The following DCLK2 variants were observed in gnomAD, a reference collection of about 807,000 sequenced individuals.
DCLK2 encodes serine/threonine-protein kinase DCLK2.
A neutral mutation model predicts 78.4 loss-of-function variants in DCLK2; 31 were observed. The observed-to-expected ratio is 0.40, with a 90% CI of 0.30 to 0.53. The LOEUF (loss-of-function observed/expected upper bound fraction) is 0.53. DCLK2 is among the 20% of genes least tolerant of loss of function. The pLI is 0.61. For missense variants in DCLK2, 872 were observed against 973.7 expected, an observed-to-expected ratio of 0.90 and a Z score of 1.39; for synonymous variants, 407 against 374.9, an observed-to-expected ratio of 1.09 and a Z score of -0.99.
intron 2 of DCLK2, among the ~76,000 whole-genome samples, chr4:150,104,558 A>G (rs550916903): frequency 9.5e-4 from 145 of 152,204 alleles, no homozygotes; most frequent in Non-Finnish European, 1.8e-3. Context: ...ACTAAAAATC[A>G]ACATTTCAAA....
At chr4:150,097,245 C>T (rs530419194) in intron 1 of DCLK2, among the ~76,000 whole-genome samples, 1 of 151,296 alleles carries the variant, frequency 6.6e-6, no homozygotes, top group African/African-American at 2.4e-5. Flanking sequence ...GTACTGCAAC[C>T]TCCGCCTTCT....
chr4:150,108,781 C>G (rs1263364994), intron 2 of DCLK2, among the ~76,000 whole-genome samples: 2 of 151,878 alleles, frequency 1.3e-5, no homozygotes, highest in Non-Finnish European at 2.9e-5. Context: ...TTTAGCTTTC[C>G]CAGAAACAGC....
intron 15 of DCLK2, among the ~76,000 whole-genome samples, chr4:150,255,514 A>C (rs372267239): frequency 2.6e-4 from 40 of 152,376 alleles, no homozygotes; most frequent in Middle Eastern, 6.8e-3. Context: ...ATCTGAAAAA[A>C]GAGTAATGTG....
chr4:150,126,879 A>G (rs926706776), intron 2 of DCLK2, among the ~76,000 whole-genome samples: 1 of 152,164 alleles, frequency 6.6e-6, no homozygotes, highest in African/African-American at 2.4e-5. Context: ...TTTACTTGTC[A>G]TATCTCCTTA....
chr4:150,227,986 G>A (rs1032103887), intron 8 of DCLK2, among the ~76,000 whole-genome samples: 1 of 152,158 alleles, frequency 6.6e-6, no homozygotes, highest in Non-Finnish European at 1.5e-5. Context: ...TCCTTTGGGG[G>A]TTTTGGGGAG....
intron 2 of DCLK2, among the ~76,000 whole-genome samples, chr4:150,186,354 CAT>C (rs1197930315): frequency 1.3e-5 from 2 of 151,808 alleles, no homozygotes; most frequent in African/African-American, 4.8e-5. Flanking sequence ...TGTTGTAAAA[CAT>C]AGAAAAATTA....
At chr4:150,234,226 A>G (rs1446332993) in intron 10 of DCLK2, among the ~76,000 whole-genome samples, 1 of 152,244 alleles carries the variant, frequency 6.6e-6, no homozygotes, top group Non-Finnish European at 1.5e-5. Context: ...CTTCTTTAAC[A>G]TCACTCTAGA....
intron 1 of DCLK2, among the ~76,000 whole-genome samples, chr4:150,086,105 C>T (rs940521417): frequency 6.6e-6 from 1 of 152,148 alleles, no homozygotes; most frequent in African/African-American, 2.4e-5. Flanking sequence ...GGGAAAATTA[C>T]AAACCCAACA....
At chr4:150,207,045 A>G (rs1196134615) in intron 5 of DCLK2, among the ~76,000 whole-genome samples, 1 of 152,190 alleles carries the variant, frequency 6.6e-6, no homozygotes, top group African/African-American at 2.4e-5. Flanking sequence ...TTCATTTAAA[A>G]TAGCTTATTA....
intron 2 of DCLK2, among the ~76,000 whole-genome samples, chr4:150,134,632 C>T (rs181995761): frequency 2.0e-5 from 3 of 152,062 alleles, no homozygotes; most frequent in African/African-American, 7.2e-5. Context: ...GAAAACAATT[C>T]TCTGCAGTGT....
At chr4:150,181,415 C>T (rs1020282931) in intron 2 of DCLK2, among the ~76,000 whole-genome samples, 2 of 152,128 alleles carry the variant, frequency 1.3e-5, no homozygotes, top group African/African-American at 4.8e-5. Context: ...ACCTCTTTTA[C>T]AGGAAGAATG....
At chr4:150,220,873 C>A in intron 6 of DCLK2, 95 bp downstream of exon 6, 1 of 1,002,962 alleles carries the variant, frequency 1.0e-6, no homozygotes, top group East Asian at 2.6e-5. Context: ...TACGATCTTC[C>A]TAAAGAGGGA....
intron 5 of DCLK2, among the ~76,000 whole-genome samples, chr4:150,207,867 C>T (rs1448397947): frequency 1.3e-5 from 2 of 151,894 alleles, no homozygotes; most frequent in Admixed American, 6.6e-5. Context: ...GGGGGTGGTC[C>T]CTGGCAATTG....
At chr4:150,191,776 G>A (rs1560852657) in intron 2 of DCLK2, among the ~76,000 whole-genome samples, 1 of 152,218 alleles carries the variant, frequency 6.6e-6, no homozygotes, top group East Asian at 1.9e-4. Flanking sequence ...CATCATTTGG[G>A]TCACTTAAAT....
intron 12 of DCLK2, among the ~76,000 whole-genome samples, chr4:150,243,524 C>T (rs577835051): frequency 6.6e-6 from 1 of 152,298 alleles, no homozygotes; most frequent in South Asian, 2.1e-4. Context: ...AGATTGTCTA[C>T]ATTTGTACTT....
At chr4:150,204,580 T>C (rs1045259682) in intron 5 of DCLK2, among the ~76,000 whole-genome samples, 8 of 152,110 alleles carry the variant, frequency 5.3e-5, no homozygotes, top group Non-Finnish European at 1.0e-4. Context: ...AAAATAACAG[T>C]AAATAATTAG....
chr4:150,120,433 T>C (rs1030101413), intron 2 of DCLK2, among the ~76,000 whole-genome samples: 3 of 152,158 alleles, frequency 2.0e-5, no homozygotes, highest in Non-Finnish European at 4.4e-5. Flanking sequence ...TTGATTTCTC[T>C]AGAGAGAAAA....
chr4:150,169,628 G>A (rs1246049886), intron 2 of DCLK2, among the ~76,000 whole-genome samples: 1 of 149,838 alleles, frequency 6.7e-6, no homozygotes, highest in Admixed American at 6.7e-5. Context: ...TTGCACTCCA[G>A]CTGGGTGACA....
Position 150,109,945 on chromosome 4 carries a change from G to A in DCLK2, c.756+7133G>A, listed in dbSNP as rs557304989. Among the ~76,000 whole-genome samples the A allele has an allele frequency of 2.6e-5, 4 of 152,304 alleles. No homozygotes were observed. In the South Asian group the frequency reaches 8.3e-4, roughly 32 times the overall value. Reference sequence around the variant, plus strand: ...CACTTTTGATGAACCCCTTTTTAAAGAGTAATCTGAAAAGTGTGAAGAAAG... The same window carrying A: ...CACTTTTGATGAACCCCTTTTTAAAAAGTAATCTGAAAAGTGTGAAGAAAG... On this transcript the variant is annotated intron_variant, in intron 2 of 15. Transcript: ENST00000296550.
Sources: allele counts gnomAD v4.1 joint callset (sites outside exome capture counted in the v4.1 genomes callset), GRCh38; gene constraint gnomAD v4.1.1; transcripts MANE v1.5; gene names NCBI Gene and HGNC (gene_info 2026-07-23, HGNC 2026-07-21).